MDN1: variants seen among roughly 807,000 people sequenced by gnomAD.
The protein encoded by MDN1 is midasin.
A neutral mutation model predicts 669.2 loss-of-function variants in MDN1; 266 were observed. The observed-to-expected ratio is 0.40, with a 90% CI of 0.36 to 0.44. The LOEUF (loss-of-function observed/expected upper bound fraction) is 0.44, where lower values mean the gene tolerates loss of function less well. MDN1 is among the 20% of genes least tolerant of loss of function. MDN1 has a pLI of 1.00. For missense variants in MDN1, 5,940 were observed against 6,754.0 expected (o/e 0.88, Z 4.22); for synonymous variants, 2,385 against 2,457.1 (o/e 0.97, Z 0.87).
chr6:89,747,641 C>T (rs140207117), intron 26 of MDN1, among the ~76,000 whole-genome samples, 171 bp from the exon 27 acceptor site: 3,468 of 152,264 alleles, frequency 0.023, 61 homozygotes, highest in Middle Eastern at 0.054. Flanking sequence ...CCTGTAATCC[C>T]AGCACTTTGG....
chr6:89,811,437 C>A (rs980142038), intron 1 of MDN1, among the ~76,000 whole-genome samples: 10 of 151,670 alleles, frequency 6.6e-5, no homozygotes, highest in African/African-American at 2.4e-4. Context: ...GGATTTACTT[C>A]TTTTTATTTT....
intron 11 of MDN1, among the ~76,000 whole-genome samples, chr6:89,778,328 C>T (rs1818456687): frequency 6.6e-6 from 1 of 151,792 alleles, no homozygotes; most frequent in African/African-American, 2.4e-5. Context: ...GAATCTAGTC[C>T]TTTTAAAATT....
At chr6:89,755,307 G>A (rs776871954) in intron 20 of MDN1, among the ~76,000 whole-genome samples, 1 of 150,868 alleles carries the variant, frequency 6.6e-6, no homozygotes, top group African/African-American at 2.4e-5. Context: ...ACTTTGGGAG[G>A]CTAAGGCTGG....
At chr6:89,796,691 T>A (rs74725961) in intron 2 of MDN1, among the ~76,000 whole-genome samples, 2,313 of 152,288 alleles carry the variant, frequency 0.015, 36 homozygotes, top group Middle Eastern at 0.027. Context: ...TACCTTCCTC[T>A]CAATTTTGCT....
intron 2 of MDN1, among the ~76,000 whole-genome samples, chr6:89,799,576 C>A (rs913381515): frequency 6.6e-6 from 1 of 151,866 alleles, no homozygotes; most frequent in Non-Finnish European, 1.5e-5. Flanking sequence ...CCAGCTACTT[C>A]GGAGGCTGAG....
intron 12 of MDN1, among the ~76,000 whole-genome samples, chr6:89,774,945 G>C (rs1818281594): frequency 6.6e-6 from 1 of 152,008 alleles, no homozygotes; most frequent in African/African-American, 2.4e-5. Context: ...TCCCTAAAAT[G>C]GTACTTTTCA....
At chr6:89,656,953 G>T in intron 90 of MDN1, 152 bp from the exon 91 acceptor site, 1 of 639,240 alleles carries the variant, frequency 1.6e-6, no homozygotes, top group Non-Finnish European at 2.7e-6. Context: ...GGAACTCACC[G>T]TAACTAAGGC....
intron 71 of MDN1, 35 bp downstream of exon 71, chr6:89,684,841 C>T (rs1416853589): frequency 7.4e-7 from 1 of 1,353,870 alleles, no homozygotes; most frequent in Admixed American, 1.8e-5. Flanking sequence ...TGATTTTGTC[C>T]TCCCAAGAGT....
intron 1 of MDN1, among the ~76,000 whole-genome samples, chr6:89,809,471 T>C (rs1364917017): frequency 2.0e-5 from 3 of 151,512 alleles, no homozygotes; most frequent in Non-Finnish European, 4.4e-5. Context: ...TCTCTACAAA[T>C]AATACAAAAG....
chr6:89,740,046 A>T (rs149484021), intron 32 of MDN1, among the ~76,000 whole-genome samples, 188 bp downstream of exon 32: 101 of 152,336 alleles, frequency 6.6e-4, no homozygotes, highest in African/African-American at 2.3e-3. Flanking sequence ...ATATCAAATA[A>T]GGAGATATTT....
At chr6:89,690,951 A>T in intron 63 of MDN1, 117 bp from the exon 64 acceptor site, 1 of 1,231,702 alleles carries the variant, frequency 8.1e-7, no homozygotes. Flanking sequence ...AAACAAATAA[A>T]AGCCAACATC....
chr6:89,763,971 T>A (rs1315530021), intron 15 of MDN1, among the ~76,000 whole-genome samples: 1 of 152,128 alleles, frequency 6.6e-6, no homozygotes, highest in Non-Finnish European at 1.5e-5. Flanking sequence ...TCCCACCACT[T>A]CGGGAGGTCA....
chr6:89,810,432 T>C (rs1365040753), intron 1 of MDN1, among the ~76,000 whole-genome samples: 1 of 151,854 alleles, frequency 6.6e-6, no homozygotes, highest in Non-Finnish European at 1.5e-5. Context: ...TGAGACTCTG[T>C]CTCAAAAACA....
intron 20 of MDN1, among the ~76,000 whole-genome samples, chr6:89,755,564 C>T (rs1175447294): frequency 8.9e-4 from 135 of 152,172 alleles, no homozygotes; most frequent in Non-Finnish European, 5.9e-5. Flanking sequence ...CACCAGGGCA[C>T]TCAATAAGTA....
intron 99 of MDN1, 48 bp downstream of exon 99, chr6:89,647,984 C>T: frequency 7.2e-7 from 1 of 1,395,166 alleles, no homozygotes. Flanking sequence ...CCAACCTACA[C>T]CAGTTTAAAA....
chr6:89,730,451 T>C (rs116612739), intron 35 of MDN1, among the ~76,000 whole-genome samples: 339 of 152,314 alleles, frequency 2.2e-3, no homozygotes, highest in African/African-American at 7.6e-3. Flanking sequence ...AGCTTTACTA[T>C]AGGAAAGTTC....
At position 89,688,791 on chromosome 6, in the gene MDN1, G is replaced by C. The variant is rs139102701; in HGVS notation, c.11041C>G (p.Arg3681Gly). Reference protein sequence around the residue: ...YPLMGVELNDRLLGSQLLACT... With the variant: ...YPLMGVELNDGLLGSQLLACT... ...GCCAAAAGTTGGCTGCCCAAGAGTC[G>C]GTCATTCAGTTCAACTCCTGTGAAG... The change falls in exon 66 of 102, where the codon CGA (arginine) becomes GGA (glycine). Residue 3681 changes from arginine to glycine, a missense_variant. By Grantham distance (125) the Arg-to-Gly change is moderately radical (BLOSUM62 -2). This residue lies in a region of MDN1 where 2,280 missense variants were observed against 2,576.3 expected (regional missense o/e 0.88). Coordinates refer to ENST00000369393, the MANE Select transcript of MDN1 (RefSeq NM_014611.3). 3.1e-6 allele frequency: 5 copies of C among 1,613,906 alleles called. No homozygotes were observed. The highest frequency in any genetic ancestry group is 2.7e-5 in the African/African-American group (2 of 74,906).
chr6:89,749,243 T>C lies in MDN1; in HGVS notation c.3742A>G (p.Lys1248Glu). The part of the protein sequence containing the change: ...LPPSYCSKLV[K>E]VMLDLQSYRR... ...AGTACCTGAAGATCCAGCATGACTT[T>C]AACCAACTTGCTGCAATAGGAGGGT... is the stretch of plus-strand genomic sequence containing the variant. The change falls in exon 26 of 102, where the codon AAA becomes GAA. Residue 1248 changes from lysine to glutamate, a missense_variant. By Grantham distance (56) the Lys-to-Glu change is moderately conservative. Transcript: ENST00000369393. The C allele has an allele frequency of 6.2e-7, 1 of 1,614,134 alleles. No homozygotes were observed. Among genetic ancestry groups the C allele is most frequent in the Non-Finnish European group, 8.5e-7 (1 of 1,180,008 alleles).
At chr6:89,755,160 G>A (rs1817178044) in intron 20 of MDN1, among the ~76,000 whole-genome samples, 1 of 151,606 alleles carries the variant, frequency 6.6e-6, no homozygotes, top group Admixed American at 6.6e-5. Flanking sequence ...AATATTCTTG[G>A]CTACCAAAAA....
Sources: gnomAD v4.1 joint callset for allele counts (sites outside exome capture counted in the v4.1 genomes callset) on GRCh38, gnomAD v4.1.1 for gene constraint, gnomAD v4.1.1 regional missense constraint, MANE v1.5 for transcripts, NCBI Gene and HGNC (gene_info 2026-07-23, HGNC 2026-07-21) for gene names.